SNX31: variants seen among roughly 807,000 people sequenced by gnomAD.
SNX31 encodes sorting nexin 31.
A neutral mutation model predicts 65.4 loss-of-function variants in SNX31; 58 were observed. That is an observed-to-expected ratio of 0.89 (90% CI 0.72 to 1.10). The LOEUF (loss-of-function observed/expected upper bound fraction) is 1.10. SNX31 is among the 50% of genes least tolerant of loss of function. The pLI is 0.00. For synonymous variants in SNX31, 181 were observed against 190.1 expected, an observed-to-expected ratio of 0.95 and a Z score of 0.39; for missense variants, 523 against 529.7, an observed-to-expected ratio of 0.99 and a Z score of 0.12.
rs78656025 is a variant in SNX31, at chr8:100,599,457, T to C, written c.774+892A>G. ...ACAGAGAAACTGAACTCTTTTTTTT[T>C]TTTTTGTGACAAAGCTGAGGTAGAA... On this transcript the variant is annotated intron_variant, in intron 9 of 13. Coordinates refer to ENST00000311812, the MANE Select transcript of SNX31 (RefSeq NM_152628.4). Among the ~76,000 whole-genome samples the C allele has an allele frequency of 4.2e-3, 645 of 152,238 alleles. 10 individuals are homozygous for C. The highest frequency in any genetic ancestry group is 0.029 in the Admixed American group (439 of 15,288).
intron 2 of SNX31, among the ~76,000 whole-genome samples, chr8:100,638,203 T>C (rs1015000784): frequency 6.6e-6 from 1 of 152,204 alleles, no homozygotes; most frequent in Non-Finnish European, 1.5e-5. Context: ...TTTCTCAAAA[T>C]CATCCTCAAC....
At chr8:100,647,972 C>T (rs548507930) in intron 2 of SNX31, among the ~76,000 whole-genome samples, 5 of 152,316 alleles carry the variant, frequency 3.3e-5, no homozygotes, top group African/African-American at 4.8e-5. Context: ...ATTTGACAAT[C>T]GTTCCTAAGG....
At chr8:100,582,843 C>T (rs1276246700) in intron 12 of SNX31, among the ~76,000 whole-genome samples, 4 of 150,850 alleles carry the variant, frequency 2.7e-5, no homozygotes, top group African/African-American at 7.3e-5. Context: ...ATCAGCCGGG[C>T]GTGGTGGCAG....
intron 10 of SNX31, 41 bp downstream of exon 10, chr8:100,596,598 A>T: frequency 6.4e-7 from 1 of 1,572,550 alleles, no homozygotes; most frequent in Non-Finnish European, 8.8e-7. Flanking sequence ...GGGTACTAGG[A>T]TTTTTAAGTC....
intron 9 of SNX31, among the ~76,000 whole-genome samples, chr8:100,598,090 A>C (rs1815280038): frequency 6.6e-6 from 1 of 152,218 alleles, no homozygotes; most frequent in Non-Finnish European, 1.5e-5. Context: ...TCTCTGATAC[A>C]GTGAAACAGG....
intron 10 of SNX31, among the ~76,000 whole-genome samples, chr8:100,591,731 A>G (rs1814606992): frequency 6.6e-6 from 1 of 152,020 alleles, no homozygotes; most frequent in Non-Finnish European, 1.5e-5. Flanking sequence ...TGGGAGGCTG[A>G]GGAAGGAGGA....
chr8:100,602,489 C>A (rs943222307), intron 8 of SNX31, among the ~76,000 whole-genome samples: 3 of 152,178 alleles, frequency 2.0e-5, no homozygotes, highest in Non-Finnish European at 4.4e-5. Flanking sequence ...ATACCAAACT[C>A]TATATATACT....
At chr8:100,581,334 T>TATAA (rs1813515269) in intron 12 of SNX31, among the ~76,000 whole-genome samples, 1 of 99,494 alleles carries the variant, frequency 1.0e-5, no homozygotes, top group Admixed American at 9.4e-5. Flanking sequence ...TCTATCTATC[T>TATAA]ATCTATATAT....
chr8:100,618,260 C>T, intron 4 of SNX31: 1 of 1,464,244 alleles, frequency 6.8e-7, no homozygotes, highest in Non-Finnish European at 9.2e-7. Flanking sequence ...AAGTAAACAA[C>T]TGAGTATCTA....
intron 12 of SNX31, among the ~76,000 whole-genome samples, chr8:100,577,802 T>C (rs1212462804): frequency 6.6e-6 from 1 of 152,112 alleles, no homozygotes; most frequent in Non-Finnish European, 1.5e-5. Flanking sequence ...TATCCCTCAG[T>C]AGAGAGACAT....
chr8:100,654,859 A>G (rs1021725042), intron 1 of SNX31, among the ~76,000 whole-genome samples: 10 of 152,192 alleles, frequency 6.6e-5, no homozygotes, highest in African/African-American at 2.4e-4. Flanking sequence ...CTAAAACTAC[A>G]AAAATTAGCC....
At chr8:100,585,820 A>G (rs1406224236) in intron 11 of SNX31, among the ~76,000 whole-genome samples, 1 of 152,242 alleles carries the variant, frequency 6.6e-6, no homozygotes, top group African/African-American at 2.4e-5. Flanking sequence ...AATGTACACA[A>G]GTACATAGGC....
upstream of SNX31, chr8:100,649,717 A>G: frequency 2.1e-6 from 1 of 473,116 alleles, no homozygotes. Flanking sequence ...CGCCCCATCC[A>G]GCCCCGCCGC....
chr8:100,617,533 T>C (rs1817320349), intron 5 of SNX31, 87 bp downstream of exon 5: 3 of 915,618 alleles, frequency 3.3e-6, no homozygotes, highest in African/African-American at 3.4e-5. Flanking sequence ...CAGAAGCTCC[T>C]GGAAGGTAAC....
At chr8:100,641,595 T>TATATATATAC (rs1241411821) in intron 2 of SNX31, among the ~76,000 whole-genome samples, 13 of 22,096 alleles carry the variant, frequency 5.9e-4, no homozygotes, top group Non-Finnish European at 7.3e-4. Flanking sequence ...TATATATATA[T>TATATATATAC]ACACATACAC....
chr8:100,651,959 A>G (rs1312014046), upstream of SNX31, among the ~76,000 whole-genome samples: 1 of 150,844 alleles, frequency 6.6e-6, no homozygotes, highest in Non-Finnish European at 1.5e-5. Context: ...CGACTTGACA[A>G]GCGCACCCTT....
In SNX31 at chr8:100,575,928, C is replaced by G. The variant is rs573310999; in HGVS notation, c.1227+1091G>C. On this transcript the variant is annotated intron_variant, in intron 13 of 13. Coordinates refer to ENST00000311812, the MANE Select transcript of SNX31 (RefSeq NM_152628.4). The surrounding 1 kb of genome is among the most constrained non-coding windows in gnomAD (Gnocchi z 5.1). ...GTGCAGCCAAAGTTGAGAACCACAG[C>G]TCCATGCTGTCGGCATGCTGCTAAA... Among the ~76,000 whole-genome samples, 21 of 146,780 alleles carry G rather than the reference C, an allele frequency of 1.4e-4. No individual in the cohort carries two copies. The highest frequency in any genetic ancestry group is 5.1e-4 in the African/African-American group (21 of 41,142).
At chr8:100,649,943 G>A (rs141467836), upstream of SNX31, among the ~76,000 whole-genome samples, 374 of 152,344 alleles carry the variant, frequency 2.5e-3, 2 homozygotes, top group Non-Finnish European at 4.3e-3. Context: ...GCAGAGTTAT[G>A]TTTGGTCAGT....
At chr8:100,650,637 C>T (rs925932686), upstream of SNX31, among the ~76,000 whole-genome samples, 3 of 152,156 alleles carry the variant, frequency 2.0e-5, no homozygotes, top group Non-Finnish European at 2.9e-5. Flanking sequence ...CAGGACCTGA[C>T]ATATGCTATG....
Sources: allele counts gnomAD v4.1 joint callset (sites outside exome capture counted in the v4.1 genomes callset), GRCh38; gene constraint gnomAD v4.1.1; non-coding constraint Gnocchi (gnomAD v3.1); transcripts MANE v1.5; gene names NCBI Gene and HGNC (gene_info 2026-07-23, HGNC 2026-07-21).